LRP6: variants seen among roughly 807,000 people sequenced by gnomAD.
The protein encoded by LRP6 is low-density lipoprotein receptor-related protein 6.
LRP6 carries 43 observed loss-of-function variants against 184.1 expected under a neutral mutation model. The ratio of observed to expected loss-of-function variants is 0.23; its 90% CI spans 0.18 to 0.30. LRP6 has a LOEUF of 0.30. LRP6 is among the 10% of genes least tolerant of loss of function. The pLI is 1.00. For missense variants in LRP6, 1,571 were observed against 2,005.3 expected, an observed-to-expected ratio of 0.78 and a Z score of 4.14; for synonymous variants, 719 against 684.9, an observed-to-expected ratio of 1.05 and a Z score of -0.78.
intron 1 of LRP6, chr12:12,249,396 C>A: frequency 1.1e-6 from 1 of 877,204 alleles, no homozygotes; most frequent in Non-Finnish European, 1.9e-6. Context: ...ATGAAACTCC[C>A]TCAGCCACCT....
At chr12:12,258,948 G>C (rs567883310) in intron 1 of LRP6, among the ~76,000 whole-genome samples, 1 of 151,718 alleles carries the variant, frequency 6.6e-6, no homozygotes, top group Non-Finnish European at 1.5e-5. Context: ...CAATATTTGG[G>C]TGACTATTTT....
At chr12:12,148,662 C>A (rs879737934) in intron 14 of LRP6, among the ~76,000 whole-genome samples, 4 of 152,096 alleles carry the variant, frequency 2.6e-5, no homozygotes, top group African/African-American at 4.8e-5. Flanking sequence ...TGAGGTAGAT[C>A]GAGGAAAACT....
At chr12:12,244,102 C>T (rs1024797705) in intron 2 of LRP6, among the ~76,000 whole-genome samples, 160 bp downstream of exon 2, 6 of 152,078 alleles carry the variant, frequency 3.9e-5, no homozygotes, top group African/African-American at 9.7e-5. Context: ...AATAACACAA[C>T]GTAACTTTCC....
intron 7 of LRP6, among the ~76,000 whole-genome samples, chr12:12,171,389 G>A (rs912950510): frequency 2.6e-5 from 4 of 152,036 alleles, no homozygotes; most frequent in South Asian, 2.1e-4. Flanking sequence ...AGGCGTGGTG[G>A]CGGGTGCCCG....
intron 2 of LRP6, among the ~76,000 whole-genome samples, chr12:12,241,644 T>C (rs978498849): frequency 2.0e-5 from 3 of 152,060 alleles, no homozygotes; most frequent in African/African-American, 7.2e-5. Context: ...TTACCCGCTC[T>C]CTCTCCCCTA....
intron 4 of LRP6, among the ~76,000 whole-genome samples, 153 bp from the exon 5 acceptor site, chr12:12,184,264 TC>T (rs2136998389): frequency 6.6e-6 from 1 of 152,328 alleles, no homozygotes; most frequent in African/African-American, 2.4e-5. Flanking sequence ...CAGGAATTAA[TC>T]AGTGTGAATT....
chr12:12,181,449 C>A lies in LRP6; in HGVS notation c.977-10G>T, dbSNP rs756301370. 2 of 1,073,172 alleles carry A rather than the reference C, an allele frequency of 1.9e-6. No individual in the cohort carries two copies. The highest frequency in any genetic ancestry group is 1.2e-5 in the South Asian group (1 of 80,520). 66.5% of individuals were successfully genotyped at this position (1,073,172 alleles called of 1,614,324 possible). ...AATAATTCTGTGGCACCTAGAACAA[C>A]AAAGTGAAATGAAGAATACTTTGAA... is the stretch of plus-strand genomic sequence containing the variant. On this transcript the variant is annotated splice_polypyrimidine_tract_variant and intron_variant, in intron 5 of 22. Transcript: ENST00000261349.
chr12:12,220,901 AAC>A (rs1864469983), intron 2 of LRP6, among the ~76,000 whole-genome samples: 1 of 152,102 alleles, frequency 6.6e-6, no homozygotes, highest in African/African-American at 2.4e-5. Context: ...CGCCCAGCCT[AAC>A]ACATATTCTT....
At position 12,165,295 on chromosome 12, in the gene LRP6, C is replaced by G. The variant is rs1021205902; in HGVS notation, c.1546G>C (p.Val516Leu). 1.2e-6 allele frequency: 2 copies of G among 1,606,026 alleles called. No homozygotes were observed. Among genetic ancestry groups the G allele is most frequent in the Non-Finnish European group, 1.7e-6 (2 of 1,173,282 alleles). Residue 516 changes from valine to leucine, a missense_variant and splice_region_variant, in exon 8 of 23, where the codon GTT (valine) becomes CTT (leucine). Transcript: ENST00000261349. The stretch of plus-strand genomic sequence containing the variant: ...CTCCCAGTGCCATCAGTATTCATAA[C>G]CTTCAGGTTTAAATTCAAAAGAGAA... ...WGDAKTDKIE[V>L]MNTDGTGRRV...
Position 12,138,529 on chromosome 12 carries a change from T to C in LRP6, c.3403A>G (p.Asn1135Asp). 6.2e-7 allele frequency: 1 copy of C among 1,613,566 alleles called. No homozygotes were observed. Residue 1135 changes from asparagine to aspartate, a missense_variant, in exon 16 of 23, where the codon AAC (asparagine) becomes GAC (aspartate). By Grantham distance (23) the Asn-to-Asp change is conservative. Coordinates refer to ENST00000261349, the MANE Select transcript of LRP6 (RefSeq NM_002336.3). ...TTGGAGTCTTCTAATACTATCCGGTTAGCACCTTGGAAAAGGAGAAAATTC... is the reference window on the plus strand; with the variant it reads ...TTGGAGTCTTCTAATACTATCCGGTCAGCACCTTGGAAAAGGAGAAAATTC... ...RIESSDLSGA[N>D]RIVLEDSNIL...
intron 2 of LRP6, among the ~76,000 whole-genome samples, chr12:12,235,561 T>C (rs1864910671): frequency 6.6e-6 from 1 of 151,344 alleles, no homozygotes; most frequent in South Asian, 2.1e-4. Flanking sequence ...AGAAACCCCG[T>C]CTCTACTAAA....
chr12:12,226,843 C>T (rs995029851), intron 2 of LRP6: 1 of 151,906 alleles, frequency 6.6e-6, no homozygotes, highest in Non-Finnish European at 1.5e-5. Context: ...ACAACATACA[C>T]ATAATGAGAA....
chr12:12,243,645 C>T (rs1335104906), intron 2 of LRP6, among the ~76,000 whole-genome samples: 1 of 152,198 alleles, frequency 6.6e-6, no homozygotes, highest in African/African-American at 2.4e-5. Flanking sequence ...GGCACAGTGG[C>T]TCACACCTGT....
Position 12,138,424 on chromosome 12 carries a change from T to C in LRP6, c.3508A>G (p.Ile1170Val). 6.2e-7 allele frequency: 1 copy of C among 1,614,144 alleles called. No homozygotes were observed. Among genetic ancestry groups the C allele is most frequent in the Non-Finnish European group, 8.5e-7 (1 of 1,180,014 alleles). ...IDKQQQMIEK[I>V]DMTGREGRTK... ...CTACCCTCTCGACCTGTCATGTCAA[T>C]TTTTTCAATCATTTGCTGCTGTTTA... Residue 1170 changes from isoleucine to valine, a missense_variant, in exon 16 of 23, where the codon ATT becomes GTT. Ile to Val is a conservative substitution (Grantham distance 29). This residue lies in a region of LRP6 where 763 missense variants were observed against 859.5 expected (regional missense o/e 0.89). Coordinates refer to ENST00000261349, the MANE Select transcript of LRP6 (RefSeq NM_002336.3).
chr12:12,203,103 A>G, intron 3 of LRP6, 100 bp downstream of exon 3: 1 of 796,500 alleles, frequency 1.3e-6, no homozygotes, highest in South Asian at 1.9e-5. Context: ...TCTGGCACTT[A>G]GTCAAAAATA....
At chr12:12,218,935 G>A (rs1591958277) in intron 2 of LRP6, among the ~76,000 whole-genome samples, 3 of 152,238 alleles carry the variant, frequency 2.0e-5, no homozygotes, top group Admixed American at 6.5e-5. Flanking sequence ...AAATGGTAGA[G>A]CAAGTTTAAA....
rs1348927364 is a variant in LRP6, at chr12:12,257,624, GA to G, written c.55+9056del. Among the ~76,000 whole-genome samples, 571 of 129,478 alleles carry G rather than the reference GA, an allele frequency of 4.4e-3. 4 individuals carry two copies. The highest frequency in any genetic ancestry group is 0.035 in the East Asian group (159 of 4,520). 84.9% of individuals were successfully genotyped at this position (129,478 alleles called of 152,430 possible). A position where few individuals can be genotyped will look rare whatever the true frequency, so the allele number is the denominator to read the frequency against. On this transcript the variant is annotated intron_variant, in intron 1 of 22. Transcript: ENST00000261349. Reference sequence around the variant, plus strand: ...AAGTACTTGATAGAAAGGGCTTAATGAAAAAAAAAAAAGAAAGAAAGAAAAA... The same window carrying G: ...AAGTACTTGATAGAAAGGGCTTAATGAAAAAAAAAAAGAAAGAAAGAAAAA...
chr12:12,245,282 G>A (rs1299046049), intron 1 of LRP6, among the ~76,000 whole-genome samples: 1 of 151,908 alleles, frequency 6.6e-6, no homozygotes, highest in Non-Finnish European at 1.5e-5. Flanking sequence ...AAAAATGGGT[G>A]GATCTCAAAA....
At chr12:12,212,178 T>C (rs1864227748) in intron 2 of LRP6, among the ~76,000 whole-genome samples, 1 of 152,166 alleles carries the variant, frequency 6.6e-6, no homozygotes, top group Non-Finnish European at 1.5e-5. Context: ...TATTTTTTGT[T>C]GTATCCCCTA....
Sources: gnomAD v4.1 joint callset for allele counts (sites outside exome capture counted in the v4.1 genomes callset) on GRCh38, gnomAD v4.1.1 for gene constraint, gnomAD v4.1.1 regional missense constraint, MANE v1.5 for transcripts, NCBI Gene and HGNC (gene_info 2026-07-23, HGNC 2026-07-21) for gene names.